PPFIA2: variants seen among roughly 807,000 people sequenced by gnomAD.
PPFIA2 encodes the protein liprin-alpha-2.
Under a neutral mutation model 175.5 loss-of-function variants are expected in PPFIA2, and 46 were observed. The observed-to-expected ratio is 0.26, with a 90% confidence interval of 0.21 to 0.34. The LOEUF (loss-of-function observed/expected upper bound fraction) is 0.34, where lower values mean the gene tolerates loss of function less well. PPFIA2 is among the 10% of genes least tolerant of loss of function. The pLI is 1.00. For synonymous variants in PPFIA2, 568 were observed against 511.4 expected (o/e 1.11, Z -1.49); for missense variants, 1,179 against 1,506.1 (o/e 0.78, Z 3.60).
At chr12:81,473,575 A>G (rs11114871) in intron 4 of PPFIA2, among the ~76,000 whole-genome samples, 29,514 of 152,108 alleles carry the variant, frequency 0.19, 3,077 homozygotes, top group South Asian at 0.27. Flanking sequence ...TTATCATGAC[A>G]TTTTTCCTGA....
chr12:81,425,137 G>A (rs968976194), intron 7 of PPFIA2, among the ~76,000 whole-genome samples: 6 of 152,002 alleles, frequency 3.9e-5, no homozygotes, highest in East Asian at 1.9e-4. Context: ...TTAGATAATC[G>A]CAAGATCTCA....
chr12:81,483,287 A>T (rs924604166), intron 4 of PPFIA2, among the ~76,000 whole-genome samples: 3 of 152,210 alleles, frequency 2.0e-5, no homozygotes, highest in African/African-American at 7.2e-5. Flanking sequence ...CATAATAGCC[A>T]ATAAATGAAA....
At chr12:81,333,890 A>G (rs1402668191) in intron 21 of PPFIA2, among the ~76,000 whole-genome samples, 2 of 152,184 alleles carry the variant, frequency 1.3e-5, no homozygotes, top group East Asian at 3.9e-4. Context: ...CTTTGATCCC[A>G]GGTGACGTTA....
intron 4 of PPFIA2, among the ~76,000 whole-genome samples, chr12:81,463,635 T>C (rs1257348319): frequency 6.6e-6 from 1 of 152,082 alleles, no homozygotes; most frequent in Non-Finnish European, 1.5e-5. Flanking sequence ...AACACATTTA[T>C]ATGAGCACTC....
intron 4 of PPFIA2, among the ~76,000 whole-genome samples, chr12:81,542,962 C>G (rs1279730761): frequency 6.6e-6 from 1 of 152,058 alleles, no homozygotes; most frequent in Non-Finnish European, 1.5e-5. Context: ...ACAAAAGTGG[C>G]CTAGGATTCC....
intron 5 of PPFIA2, among the ~76,000 whole-genome samples, chr12:81,452,233 A>G (rs930056404): frequency 1.3e-5 from 2 of 152,210 alleles, no homozygotes; most frequent in Non-Finnish European, 2.9e-5. Flanking sequence ...TGATTCTGTA[A>G]GGATTTCTAA....
chr12:81,654,847 G>C (rs532450442), intron 4 of PPFIA2, among the ~76,000 whole-genome samples: 1 of 152,074 alleles, frequency 6.6e-6, no homozygotes, highest in South Asian at 2.1e-4. Flanking sequence ...CTTGGGAAGC[G>C]CTTCTTCTTT....
chr12:81,421,924 T>C lies in PPFIA2; in HGVS notation c.646-16021A>G, dbSNP rs549566308. 2.6e-5 allele frequency among the ~76,000 whole-genome samples: 4 copies of C among 151,754 alleles called. No homozygotes were observed. In the East Asian group the frequency reaches 7.7e-4, roughly 29 times the overall value. ...GTAGTTATGCTTATATCATGAAAAGTTATGCCATGCAAACGGTAATCAAAA... is the reference window on the plus strand; with the variant it reads ...GTAGTTATGCTTATATCATGAAAAGCTATGCCATGCAAACGGTAATCAAAA... On this transcript the variant is annotated intron_variant, in intron 7 of 32. Coordinates refer to ENST00000549396, the MANE Select transcript of PPFIA2 (RefSeq NM_003625.5).
chr12:81,341,963 A>G (rs949785025), intron 19 of PPFIA2, among the ~76,000 whole-genome samples: 1 of 152,106 alleles, frequency 6.6e-6, no homozygotes, highest in African/African-American at 2.4e-5. Flanking sequence ...GGTATTTAAA[A>G]TATGAGTTGT....
intron 3 of PPFIA2, among the ~76,000 whole-genome samples, chr12:81,701,915 T>TAAAAAAAAAAAA (rs748051152): frequency 2.0e-4 from 17 of 84,134 alleles, no homozygotes; most frequent in Non-Finnish European, 2.9e-4. Context: ...ATGGGAAGAC[T>TAAAAAAAAAAAA]AAAAAAAAAA....
At chr12:81,616,835 T>C (rs1567587153) in intron 4 of PPFIA2, among the ~76,000 whole-genome samples, 1 of 152,182 alleles carries the variant, frequency 6.6e-6, no homozygotes, top group Non-Finnish European at 1.5e-5. Flanking sequence ...TTAGACAGCA[T>C]TATACACACT....
chr12:81,618,253 CTGTGTGTGTG>C (rs71669706), intron 4 of PPFIA2, among the ~76,000 whole-genome samples: 8,873 of 148,668 alleles, frequency 0.06, 370 homozygotes, highest in East Asian at 0.24. Context: ...ATGTGTAAAT[CTGTGTGTGTG>C]TGTGTGTGTG....
In PPFIA2 at chr12:81,347,915, T is replaced by C. The variant is rs563041225; in HGVS notation, c.1995-145A>G. ...CATCAAATCTAATTTTTTCATCTTT[T>C]TTTTTTCTCTAAATAGTGTAACTTG... On this transcript the variant is annotated intron_variant, in intron 17 of 32. Coordinates refer to ENST00000549396, the MANE Select transcript of PPFIA2 (RefSeq NM_003625.5). 5 of 1,289,462 alleles carry C rather than the reference T, an allele frequency of 3.9e-6. No homozygotes were observed. In the African/African-American group the frequency reaches 6.1e-5, roughly 16 times the overall value. The allele number at this position is 1,289,462 out of a possible 1,614,324, so 79.9% of individuals were successfully genotyped here.
intron 4 of PPFIA2, among the ~76,000 whole-genome samples, chr12:81,508,330 T>C (rs1274857615): frequency 6.6e-6 from 1 of 151,942 alleles, no homozygotes; most frequent in Non-Finnish European, 1.5e-5. Context: ...GAGACCAGCC[T>C]GACCAACATA....
At chr12:81,514,865 A>T (rs927166723) in intron 4 of PPFIA2, among the ~76,000 whole-genome samples, 3 of 151,926 alleles carry the variant, frequency 2.0e-5, no homozygotes, top group African/African-American at 7.2e-5. Flanking sequence ...TTATTCTATG[A>T]CATTTTATCA....
At chr12:81,317,566 G>A (rs2052694908) in intron 22 of PPFIA2, among the ~76,000 whole-genome samples, 1 of 151,420 alleles carries the variant, frequency 6.6e-6, no homozygotes, top group South Asian at 2.1e-4. Flanking sequence ...GACGTGTGTA[G>A]AGGAAGAATT....
At chr12:81,673,970 C>CA (rs1258991996) in intron 4 of PPFIA2, among the ~76,000 whole-genome samples, 3 of 151,848 alleles carry the variant, frequency 2.0e-5, no homozygotes, top group Non-Finnish European at 4.4e-5. Flanking sequence ...AATATTAATA[C>CA]AAAATTCTCC....
intron 4 of PPFIA2, among the ~76,000 whole-genome samples, chr12:81,644,963 AT>A (rs1441735870): frequency 1.7e-5 from 1 of 57,972 alleles, no homozygotes; most frequent in Non-Finnish European, 3.6e-5. Flanking sequence ...CATAGTAGCC[AT>A]AAACAAAAAC....
At chr12:81,335,379 G>C (rs936899790) in intron 21 of PPFIA2, among the ~76,000 whole-genome samples, 20 of 152,070 alleles carry the variant, frequency 1.3e-4, no homozygotes, top group African/African-American at 4.8e-4. Flanking sequence ...GTACATATCG[G>C]TCCTGTTGTC....
Sources: gnomAD v4.1 joint callset for allele counts (sites outside exome capture counted in the v4.1 genomes callset) on GRCh38, gnomAD v4.1.1 for gene constraint, MANE v1.5 for transcripts, NCBI Gene and HGNC (gene_info 2026-07-23, HGNC 2026-07-21) for gene names.